GFOD2: variants seen among roughly 807,000 people sequenced by gnomAD.
GFOD2 encodes the protein glucose-fructose oxidoreductase domain-containing protein 2.
Under a neutral mutation model 24.6 loss-of-function variants are expected in GFOD2, and 9 were observed. The ratio of observed to expected loss-of-function variants is 0.37; its 90% confidence interval spans 0.22 to 0.64. GFOD2 has a LOEUF of 0.64. GFOD2 is among the 30% of genes least tolerant of loss of function. The pLI, the probability that GFOD2 is intolerant of heterozygous loss-of-function variation, is 0.65. For synonymous variants in GFOD2, 211 were observed against 224.8 expected, an observed-to-expected ratio of 0.94 and a Z score of 0.55; for missense variants, 476 against 532.5, an observed-to-expected ratio of 0.89 and a Z score of 1.04.
chr16:67,693,797 G>C (rs1045763372), intron 1 of GFOD2, among the ~76,000 whole-genome samples: 2 of 151,976 alleles, frequency 1.3e-5, no homozygotes, highest in Non-Finnish European at 2.9e-5. Context: ...CCTCATGCCT[G>C]TAATCCCAGC....
chr16:67,678,305 CG>C (rs2053197840), intron 2 of GFOD2, among the ~76,000 whole-genome samples: 1 of 151,958 alleles, frequency 6.6e-6, no homozygotes, highest in Non-Finnish European at 1.5e-5. Flanking sequence ...GAAGAAACCC[CG>C]TCTCTACTAA....
intron 2 of GFOD2, 78 bp downstream of exon 2, chr16:67,685,379 A>C: frequency 6.3e-7 from 1 of 1,595,030 alleles, no homozygotes; most frequent in Non-Finnish European, 8.6e-7. Flanking sequence ...AGGAGAGCTC[A>C]GAGGAGAGGA....
chr16:67,692,279 T>C (rs1473286121), intron 1 of GFOD2, among the ~76,000 whole-genome samples: 1 of 147,180 alleles, frequency 6.8e-6, no homozygotes, highest in Non-Finnish European at 1.5e-5. Context: ...ATTATTTATA[T>C]AAACTAAAAA....
chr16:67,688,574 G>C (rs1185015077), intron 1 of GFOD2, among the ~76,000 whole-genome samples: 1 of 151,990 alleles, frequency 6.6e-6, no homozygotes, highest in African/African-American at 2.4e-5. Context: ...ATTTCCCCCA[G>C]CTAAACCAGC....
chr16:67,676,968 A>C (rs1458839200), intron 2 of GFOD2: 1 of 152,220 alleles, frequency 6.6e-6, no homozygotes, highest in Non-Finnish European at 1.5e-5. Context: ...TGTGTGGTTC[A>C]AGTCGAAGGA....
chr16:67,696,313 G>A (rs1420625197), intron 1 of GFOD2, among the ~76,000 whole-genome samples: 4 of 150,786 alleles, frequency 2.7e-5, no homozygotes, highest in East Asian at 2.0e-4. Context: ...GCGCCCGGCC[G>A]GGAATCTTTT....
At chr16:67,683,874 C>T (rs964230223) in intron 2 of GFOD2, 1 of 1,182,010 alleles carries the variant, frequency 8.5e-7, no homozygotes. Context: ...CCTATTACCT[C>T]ACATAAAACA....
Position 67,675,705 on chromosome 16 carries a change from G to A in GFOD2, c.608C>T (p.Thr203Ile), listed in dbSNP as rs2053179461. Residue 203 changes from threonine (T) to isoleucine (I), a missense_variant, in exon 3 of 3, where the codon ACA becomes ATA. Thr to Ile is a moderately conservative substitution (Grantham distance 89). Coordinates refer to ENST00000268797, the MANE Select transcript of GFOD2 (RefSeq NM_030819.4). ...RAEKVHGLLK[T>I]FVRQNAAIRG... The stretch of plus-strand genomic sequence containing the variant: ...GATGGCAGCGTTCTGCCTCACGAAT[G>A]TCTTGAGCAGCCCGTGCACCTTCTC... 6.2e-7 allele frequency: 1 copy of A among 1,614,026 alleles called. No individual in the cohort carries two copies. The highest frequency in any genetic ancestry group is 8.5e-7 in the Non-Finnish European group (1 of 1,180,050).
intron 1 of GFOD2, among the ~76,000 whole-genome samples, chr16:67,698,250 T>C (rs2053372416): frequency 6.6e-6 from 1 of 152,176 alleles, no homozygotes; most frequent in Non-Finnish European, 1.5e-5. Context: ...GCCATTGCTT[T>C]TGCTGGGTTC....
At chr16:67,692,826 A>G (rs1012511963) in intron 1 of GFOD2, among the ~76,000 whole-genome samples, 12 of 151,784 alleles carry the variant, frequency 7.9e-5, no homozygotes, top group African/African-American at 2.4e-4. Flanking sequence ...GGAGATTGAG[A>G]CCATCCTGGC....
intron 1 of GFOD2, among the ~76,000 whole-genome samples, chr16:67,691,916 A>G (rs1226783550): frequency 6.6e-6 from 1 of 152,188 alleles, no homozygotes; most frequent in Non-Finnish European, 1.5e-5. Context: ...CTCACGTGCT[A>G]CTGATAGTGA....
chr16:67,675,492 G>A lies in GFOD2; in HGVS notation c.821C>T (p.Ala274Val), dbSNP rs765420175. The A allele has an allele frequency of 6.2e-7, 1 of 1,612,028 alleles. No homozygotes were observed. Among genetic ancestry groups the A allele is most frequent in the Middle Eastern group, 1.6e-4 (1 of 6,062 alleles). Residue 274 changes from alanine (A) to valine (V), a missense_variant, in exon 3 of 3, where the codon GCC becomes GTC. Transcript: ENST00000268797. Reference protein sequence around the residue: ...GADLYGQKNSATQEELLLRDS... With the variant: ...GADLYGQKNSVTQEELLLRDS... ...CCTCAAGAGCAGCTCCTCTTGCGTGGCAGAGTTCTTCTGCCCATAGAGGTC... is the reference window on the plus strand; with the variant it reads ...CCTCAAGAGCAGCTCCTCTTGCGTGACAGAGTTCTTCTGCCCATAGAGGTC...
intron 1 of GFOD2, among the ~76,000 whole-genome samples, chr16:67,716,385 A>G (rs1190959256): frequency 6.6e-6 from 1 of 152,208 alleles, no homozygotes; most frequent in Non-Finnish European, 1.5e-5. Flanking sequence ...CTGTCATAGC[A>G]ACCAGGACTT....
chr16:67,678,994 C>A (rs764442197), intron 2 of GFOD2, among the ~76,000 whole-genome samples: 2 of 152,040 alleles, frequency 1.3e-5, no homozygotes, highest in African/African-American at 2.4e-5. Context: ...ATAGCAAGAC[C>A]TAGTATTTAT....
intron 2 of GFOD2, chr16:67,676,421 T>C (rs2053185696): frequency 4.4e-6 from 1 of 224,722 alleles, no homozygotes; most frequent in African/African-American, 2.3e-5. Context: ...CTGGCCCCAA[T>C]TTCTTCAAAT....
At chr16:67,693,303 C>G (rs892636515) in intron 1 of GFOD2, among the ~76,000 whole-genome samples, 8 of 150,754 alleles carry the variant, frequency 5.3e-5, no homozygotes, top group African/African-American at 2.0e-4. Context: ...TTTTTTGACA[C>G]AGTCTCACTC....
intron 1 of GFOD2, among the ~76,000 whole-genome samples, chr16:67,717,932 G>A (rs771518933): frequency 4.6e-5 from 7 of 152,142 alleles, no homozygotes; most frequent in African/African-American, 1.7e-4. Context: ...CAACAGAACC[G>A]TCTGTTGAAA....
chr16:67,685,770 T>A lies in GFOD2; in HGVS notation c.-55A>T. Reference sequence around the variant, plus strand: ...CTCACAAGAGCCTCTGGCATGGATATGATCTTCCAAACGTCCTGGTCAGAC... The same window carrying A: ...CTCACAAGAGCCTCTGGCATGGATAAGATCTTCCAAACGTCCTGGTCAGAC... On this transcript the variant is annotated 5_prime_UTR_variant, in exon 2 of 3. Transcript: ENST00000268797. 6.4e-7 allele frequency: 1 copy of A among 1,565,484 alleles called. No individual in the cohort carries two copies. The highest frequency in any genetic ancestry group is 8.6e-7 in the Non-Finnish European group (1 of 1,158,060).
rs74900413 is a variant in GFOD2, at chr16:67,709,521, G to A, written c.-88+9642C>T. Among the ~76,000 whole-genome samples the A allele has an allele frequency of 9.4e-3, 1,433 of 152,082 alleles. 9 individuals carry two copies. Among genetic ancestry groups the A allele is most frequent in the Admixed American group, 0.016 (249 of 15,246 alleles). On this transcript the variant is annotated intron_variant, in intron 1 of 2. Coordinates refer to ENST00000268797, the MANE Select transcript of GFOD2 (RefSeq NM_030819.4). The stretch of plus-strand genomic sequence containing the variant: ...GTGTACAGTCTAGGAGGAGAGATAA[G>A]ATAATCAAATAATCACATAAATATG...
Sources: allele counts gnomAD v4.1 joint callset (sites outside exome capture counted in the v4.1 genomes callset), GRCh38; gene constraint gnomAD v4.1.1; transcripts MANE v1.5; gene names NCBI Gene and HGNC (gene_info 2026-07-23, HGNC 2026-07-21).